SLC14A2: variants seen among roughly 807,000 people sequenced by gnomAD.
The protein encoded by SLC14A2 is urea transporter 2.
Under a neutral mutation model 104.6 loss-of-function variants are expected in SLC14A2, and 91 were observed. The ratio of observed to expected loss-of-function variants is 0.87; its 90% CI spans 0.73 to 1.04. The LOEUF (loss-of-function observed/expected upper bound fraction) is 1.04. SLC14A2 is among the 50% of genes least tolerant of loss of function. The pLI is 0.00. For synonymous variants in SLC14A2, 476 were observed against 466.4 expected, an observed-to-expected ratio of 1.02 and a Z score of -0.27; for missense variants, 1,189 against 1,156.0, an observed-to-expected ratio of 1.03 and a Z score of -0.41.
At chr18:45,464,661 G>A (rs1441604831) in intron 1 of SLC14A2, among the ~76,000 whole-genome samples, 4 of 152,186 alleles carry the variant, frequency 2.6e-5, no homozygotes, top group Admixed American at 2.6e-4. Flanking sequence ...AAAGTCTAGA[G>A]GGACATTTGC....
chr18:45,397,846 A>G (rs926702187), intron 1 of SLC14A2, among the ~76,000 whole-genome samples: 1 of 152,200 alleles, frequency 6.6e-6, no homozygotes, highest in Non-Finnish European at 1.5e-5. Context: ...TCAAAGAGAT[A>G]CCGAGAAAAT....
intron 1 of SLC14A2, among the ~76,000 whole-genome samples, chr18:45,374,306 A>C (rs2085751981): frequency 6.6e-6 from 1 of 152,252 alleles, no homozygotes; most frequent in Admixed American, 6.5e-5. Flanking sequence ...GGCAATCTGC[A>C]TAATGAGTGG....
At chr18:45,548,380 GA>G (rs1460188207) in intron 2 of SLC14A2, among the ~76,000 whole-genome samples, 3 of 152,196 alleles carry the variant, frequency 2.0e-5, no homozygotes, top group Admixed American at 6.5e-5. Context: ...TTGATTCGGG[GA>G]AAAGAGTAGT....
chr18:45,214,379 G>A (rs984879060), intron 1 of SLC14A2, among the ~76,000 whole-genome samples: 1 of 152,134 alleles, frequency 6.6e-6, no homozygotes, highest in Non-Finnish European at 1.5e-5. Context: ...TCTCTGGGTT[G>A]GGGAGATAGA....
At chr18:45,276,991 T>G (rs1274334742) in intron 1 of SLC14A2, among the ~76,000 whole-genome samples, 1 of 152,208 alleles carries the variant, frequency 6.6e-6, no homozygotes, top group Non-Finnish European at 1.5e-5. Flanking sequence ...CTTTATTCTC[T>G]CCTATTAGTT....
chr18:45,196,282 T>G, the SLC14A2 span, among the ~76,000 whole-genome samples: 1 of 152,222 alleles, frequency 6.6e-6, no homozygotes, highest in African/African-American at 2.4e-5. Flanking sequence ...GTGCACCACA[T>G]TAGTTACGAG....
rs187933622 is a variant in SLC14A2 at position 45,559,074 on chromosome 18, C to T, written c.-34-65557C>T. ...AAAGTGCTGTGATTACAAGCATGAG[C>T]CACTGCACCTGGCCCCTTTGAGTTT... On this transcript the variant is annotated intron_variant, in intron 2 of 20. Transcript: ENST00000586448. 1.3e-4 allele frequency among the ~76,000 whole-genome samples: 20 copies of T among 152,256 alleles called. No homozygotes were observed. In the East Asian group the frequency reaches 3.5e-3, roughly 27 times the overall value.
chr18:45,559,041 G>C (rs796200895), intron 2 of SLC14A2, among the ~76,000 whole-genome samples: 20 of 151,994 alleles, frequency 1.3e-4, no homozygotes, highest in African/African-American at 4.3e-4. Flanking sequence ...CGCCCGCCTC[G>C]GCCTCCTAAA....
At chr18:45,647,446 T>G (rs1313003484) in intron 10 of SLC14A2, 1 of 152,222 alleles carries the variant, frequency 6.6e-6, no homozygotes, top group African/African-American at 2.4e-5. Context: ...TATTGACTTT[T>G]TCAAAGAAGC....
At chr18:45,501,338 ATGAG>A (rs2043196304) in intron 2 of SLC14A2, among the ~76,000 whole-genome samples, 1 of 152,210 alleles carries the variant, frequency 6.6e-6, no homozygotes, top group Non-Finnish European at 1.5e-5. Context: ...GCCACAAACT[ATGAG>A]TAAGTCAGGA....
At position 45,634,831 on chromosome 18, in the gene SLC14A2, G is replaced by A. The variant is rs779635034; in HGVS notation, c.651-2159G>A. 18 of 457,112 alleles carry A rather than the reference G, an allele frequency of 3.9e-5. 1 individual carries two copies. The highest frequency in any genetic ancestry group is 1.6e-4 in the Admixed American group (7 of 42,562). The allele number at this position is 457,112 out of a possible 1,614,324, so 28.3% of individuals were successfully genotyped here. A position where few individuals can be genotyped will look rare whatever the true frequency, so the allele number is the denominator to read the frequency against. On this transcript the variant is annotated intron_variant, in intron 5 of 19. Transcript: ENST00000255226. Reference sequence around the variant, plus strand: ...ATCACTCTGTTTGCAGGATGGAGACGGATTTTAACTGGAGTAAGAGTGGAT... The same window carrying A: ...ATCACTCTGTTTGCAGGATGGAGACAGATTTTAACTGGAGTAAGAGTGGAT...
chr18:45,601,063 T>C (rs2044784305), intron 2 of SLC14A2, among the ~76,000 whole-genome samples: 1 of 152,118 alleles, frequency 6.6e-6, no homozygotes, highest in African/African-American at 2.4e-5. Context: ...CAGAGCCTCA[T>C]CCTTACCACT....
At chr18:45,340,789 A>C (rs2085385706) in intron 1 of SLC14A2, among the ~76,000 whole-genome samples, 1 of 152,192 alleles carries the variant, frequency 6.6e-6, no homozygotes, top group Non-Finnish European at 1.5e-5. Context: ...GTGTGGAAGA[A>C]ACCTTGAGTT....
At chr18:45,545,895 A>C (rs569985715) in intron 2 of SLC14A2, among the ~76,000 whole-genome samples, 1 of 152,364 alleles carries the variant, frequency 6.6e-6, no homozygotes, top group African/African-American at 2.4e-5. Context: ...ATATTTTTTA[A>C]ACAGCTATTA....
chr18:45,211,033 A>G (rs1200775478), upstream of SLC14A2, among the ~76,000 whole-genome samples: 1 of 152,120 alleles, frequency 6.6e-6, no homozygotes, highest in African/African-American at 2.4e-5. Flanking sequence ...ATGTTTTCCT[A>G]TTTTCCCCTT....
the SLC14A2 span, among the ~76,000 whole-genome samples, chr18:45,175,582 G>A: frequency 6.6e-6 from 1 of 152,054 alleles, no homozygotes; most frequent in Admixed American, 6.6e-5. Flanking sequence ...ATGGAAAATA[G>A]GACCACAGGC....
At chr18:45,316,736 C>T (rs2085133248) in intron 1 of SLC14A2, among the ~76,000 whole-genome samples, 1 of 152,164 alleles carries the variant, frequency 6.6e-6, no homozygotes, top group South Asian at 2.1e-4. Flanking sequence ...AAGGACTCTT[C>T]GCACAGGAAG....
chr18:45,656,797 G>A (rs972675263), intron 10 of SLC14A2, among the ~76,000 whole-genome samples: 10 of 152,304 alleles, frequency 6.6e-5, no homozygotes, highest in African/African-American at 9.6e-5. Flanking sequence ...CAAAGACACC[G>A]AAAGAAATGA....
At chr18:45,340,153 C>T (rs1243561776) in intron 1 of SLC14A2, among the ~76,000 whole-genome samples, 1 of 152,210 alleles carries the variant, frequency 6.6e-6, no homozygotes, top group Non-Finnish European at 1.5e-5. Flanking sequence ...CAGCATGGAA[C>T]CCTACCTTTC....
Sources: allele counts gnomAD v4.1 joint callset (sites outside exome capture counted in the v4.1 genomes callset), GRCh38; gene constraint gnomAD v4.1.1; transcripts MANE v1.5; gene names NCBI Gene and HGNC (gene_info 2026-07-23, HGNC 2026-07-21).